AKNAD1: variants seen among roughly 807,000 people sequenced by gnomAD.
AKNAD1 encodes the protein protein AKNAD1.
Under a neutral mutation model 90.8 loss-of-function variants are expected in AKNAD1, and 67 were observed. That is an observed-to-expected ratio of 0.74 (90% CI 0.61 to 0.90). AKNAD1 has a LOEUF of 0.90. AKNAD1 is among the 40% of genes least tolerant of loss of function. The pLI is 0.00. For missense variants in AKNAD1, 957 were observed against 975.4 expected (o/e 0.98, Z 0.25); for synonymous variants, 327 against 341.4 (o/e 0.96, Z 0.46).
Position 108,852,545 on chromosome 1 carries a change from G to A in AKNAD1, c.120C>T (p.Gly40=), listed in dbSNP as rs369040439. 29 of 1,613,940 alleles carry A rather than the reference G, an allele frequency of 1.8e-5. No homozygotes were observed. Among genetic ancestry groups the A allele is most frequent in the Non-Finnish European group, 2.3e-5 (27 of 1,180,024 alleles). ...AAATAATTTGATTTAAGACTTCAAG[G>A]CCATCCTTTTTTGAGGTAAAACTGT... The part of the protein sequence containing the change: ...NDYSFTSKKD[G]LEVLNQIIFI... The change falls in exon 2 of 16, where the codon GGC becomes GGT. Residue 40 remains glycine, a synonymous_variant. Transcript: ENST00000370001.
chr1:108,850,343 C>G (rs1378025230), intron 2 of AKNAD1, among the ~76,000 whole-genome samples: 2 of 152,170 alleles, frequency 1.3e-5, no homozygotes, highest in South Asian at 2.1e-4. Flanking sequence ...AATCAGATAC[C>G]TGACCTCGAA....
intron 11 of AKNAD1, among the ~76,000 whole-genome samples, chr1:108,826,285 G>C (rs1663993536): frequency 6.6e-6 from 1 of 151,716 alleles, no homozygotes; most frequent in African/African-American, 2.4e-5. Context: ...CTCCAGTGCA[G>C]CTTCCTGGTG....
At chr1:108,846,652 C>G (rs1664710079) in intron 5 of AKNAD1, among the ~76,000 whole-genome samples, 2 of 152,092 alleles carry the variant, frequency 1.3e-5, no homozygotes, top group South Asian at 4.1e-4. Context: ...CCTCGAGTCT[C>G]TCCTGGGCCC....
At chr1:108,823,065 C>A in intron 13 of AKNAD1, 1 of 640,134 alleles carries the variant, frequency 1.6e-6, no homozygotes, top group South Asian at 1.9e-5. Flanking sequence ...AGTGATTATC[C>A]AGTAAGTCAT....
At chr1:108,817,297 A>T (rs909600924) in intron 14 of AKNAD1, 120 bp from the exon 15 acceptor site, 72 of 1,306,138 alleles carry the variant, frequency 5.5e-5, no homozygotes, top group Non-Finnish European at 6.6e-5. Context: ...GGATTCGTGC[A>T]CCCGCTGCCC....
Position 108,830,523 on chromosome 1 carries a change from A to T in AKNAD1, c.1838+36T>A, listed in dbSNP as rs765731018. 2.3e-5 allele frequency: 37 copies of T among 1,602,828 alleles called. No individual in the cohort carries two copies. In the East Asian group the frequency reaches 6.5e-4, roughly 28 times the overall value. On this transcript the variant is annotated intron_variant, in intron 10 of 15. Transcript: ENST00000370001. Reference sequence around the variant, plus strand: ...AGTTACTATGCCAGGACTGACTCCAATCCACCCTGGGAATGTAGCCACAAG... The same window carrying T: ...AGTTACTATGCCAGGACTGACTCCATTCCACCCTGGGAATGTAGCCACAAG...
At chr1:108,837,768 T>C (rs1340085531) in intron 6 of AKNAD1, 62 bp from the exon 7 acceptor site, 6 of 1,530,804 alleles carry the variant, frequency 3.9e-6, no homozygotes, top group Non-Finnish European at 5.4e-6. Context: ...TAATTAATAA[T>C]GACAGTTCTT....
Position 108,852,345 on chromosome 1 carries a change from G to A in AKNAD1, c.320C>T (p.Ser107Leu), listed in dbSNP as rs763755230. Residue 107 changes from serine (S) to leucine (L), a missense_variant, in exon 2 of 16, where the codon TCA (serine) becomes TTA (leucine). Ser to Leu is a moderately radical substitution (Grantham distance 145). Coordinates refer to ENST00000370001, the MANE Select transcript of AKNAD1 (RefSeq NM_152763.5). ...IPANEGDASK[S>L]SISDILLHHL... is the part of the protein sequence containing the mutation. ...ATGAAGTAAAATATCAGAAATGCTT[G>A]ACTTAGAAGCGTCTCCTTCATTTGC... 1 of 1,614,086 alleles carries A rather than the reference G, an allele frequency of 6.2e-7. No individual in the cohort carries two copies. Among genetic ancestry groups the A allele is most frequent in the Non-Finnish European group, 8.5e-7 (1 of 1,179,992 alleles).
rs750164787 is a variant in AKNAD1, at chr1:108,820,407, T to C, written c.2249+138A>G. On this transcript the variant is annotated intron_variant, in intron 14 of 15. Coordinates refer to ENST00000370001, the MANE Select transcript of AKNAD1 (RefSeq NM_152763.5). ...ACAAATGAATGATTGAAGGATTAGATAGGTTTAGGTTTGAATCCTGGCTCT... is the reference window on the plus strand; with the variant it reads ...ACAAATGAATGATTGAAGGATTAGACAGGTTTAGGTTTGAATCCTGGCTCT... 1.9e-5 allele frequency: 11 copies of C among 567,130 alleles called. No individual in the cohort carries two copies. The Admixed American group carries it at 2.2e-4, about 11-fold the overall frequency. 35.1% of individuals were successfully genotyped at this position (567,130 alleles called of 1,614,324 possible).
Position 108,824,210 on chromosome 1 carries a change from G to A in AKNAD1, c.1937-522C>T, listed in dbSNP as rs148504920. Among the ~76,000 whole-genome samples, 723 of 152,332 alleles carry A rather than the reference G, an allele frequency of 4.7e-3. 4 individuals carry two copies. The highest frequency in any genetic ancestry group is 0.012 in the Admixed American group (180 of 15,302). ...AAGAAGCTAGTAGCAGACAGCATGT[G>A]TATCTGGTGCAGGTCTAGAACCTGT... On this transcript the variant is annotated intron_variant, in intron 11 of 15. Transcript: ENST00000370001.
chr1:108,823,324 C>T (rs1320609200), intron 13 of AKNAD1, 46 bp downstream of exon 13: 2 of 1,401,138 alleles, frequency 1.4e-6, no homozygotes, highest in African/African-American at 1.4e-5. Flanking sequence ...ATACCTGGGA[C>T]ATTAGGTTGT....
intron 11 of AKNAD1, 108 bp from the exon 12 acceptor site, chr1:108,823,796 A>G (rs534849031): frequency 4.7e-5 from 72 of 1,530,008 alleles, no homozygotes; most frequent in Non-Finnish European, 6.2e-5. Flanking sequence ...GTTTGGCACC[A>G]AAGTGCTTAA....
Position 108,834,353 on chromosome 1 carries a change from A to T in AKNAD1, c.1746+94T>A, listed in dbSNP as rs964353082. On this transcript the variant is annotated intron_variant, in intron 9 of 15. Coordinates refer to ENST00000370001, the MANE Select transcript of AKNAD1 (RefSeq NM_152763.5). ...TAGGAAGAGGTAAGTGATCTTGATT[A>T]TGCCAATTTCACAGTCACATTCAGC... 4.7e-6 allele frequency: 5 copies of T among 1,065,492 alleles called. No individual in the cohort carries two copies. The Admixed American group carries it at 1.2e-4, about 25-fold the overall frequency. The allele number at this position is 1,065,492 out of a possible 1,614,324, so 66.0% of individuals were successfully genotyped here.
At chr1:108,839,757 G>A (rs1664484204) in intron 6 of AKNAD1, among the ~76,000 whole-genome samples, 1 of 152,066 alleles carries the variant, frequency 6.6e-6, no homozygotes, top group South Asian at 2.1e-4. Flanking sequence ...TATGGCTCAC[G>A]CTGGTAATCC....
chr1:108,849,136 A>G, intron 3 of AKNAD1, 76 bp from the exon 4 acceptor site: 1 of 1,300,948 alleles, frequency 7.7e-7, no homozygotes, highest in Middle Eastern at 2.4e-4. Flanking sequence ...GAAAACAGAA[A>G]GCTGTTGCAG....
In AKNAD1 at chr1:108,852,655, C is replaced by T. The variant is rs1664905923; in HGVS notation, c.10G>A (p.Ala4Thr). ...TAAGTCGTGTGTTCTGAAAAATCAG[C>T]CTCATCCATGTGTGTGCAGCCCGAT... MDEADFSEHTTYKQ... is the reference protein window; with the variant it reads MDETDFSEHTTYKQ... The change falls in exon 2 of 16, where the codon GCT (alanine) becomes ACT (threonine). Residue 4 changes from alanine to threonine, a missense_variant. Ala to Thr is a moderately conservative substitution (Grantham distance 58, BLOSUM62 0). Transcript: ENST00000370001. The T allele has an allele frequency of 6.3e-7, 1 of 1,579,576 alleles. No individual in the cohort carries two copies. The highest frequency in any genetic ancestry group is 1.2e-5 in the South Asian group (1 of 85,452).
chr1:108,820,588 T>G lies in AKNAD1; in HGVS notation c.2206A>C (p.Asn736His), dbSNP rs1218002986. 6.2e-7 allele frequency: 1 copy of G among 1,611,776 alleles called. No homozygotes were observed. Among genetic ancestry groups the G allele is most frequent in the Middle Eastern group, 1.7e-4 (1 of 5,994 alleles). ...KPKRICSQRV[N>H]SKSFKGEHEP... The stretch of plus-strand genomic sequence containing the variant: ...TGTTCACCTTTAAAGGATTTTGAAT[T>G]CACTCTCTGAGAACAGATCCGTTTG... The change falls in exon 14 of 16, where the codon AAT becomes CAT. Residue 736 changes from asparagine to histidine, a missense_variant. Coordinates refer to ENST00000370001, the MANE Select transcript of AKNAD1 (RefSeq NM_152763.5).
intron 14 of AKNAD1, chr1:108,817,383 G>T: frequency 2.5e-6 from 1 of 407,006 alleles, no homozygotes; most frequent in Non-Finnish European, 4.3e-6. Context: ...CCATGCGGGT[G>T]TTTTCTCCCG....
rs149156307 is a variant in AKNAD1 at position 108,849,852 on chromosome 1, A to G, written c.994-276T>C. Among the ~76,000 whole-genome samples the G allele has an allele frequency of 1.8e-4, 28 of 152,354 alleles. No homozygotes were observed. The East Asian group carries it at 5.4e-3, about 29-fold the overall frequency. On this transcript the variant is annotated intron_variant, in intron 2 of 15. Coordinates refer to ENST00000370001, the MANE Select transcript of AKNAD1 (RefSeq NM_152763.5). The stretch of plus-strand genomic sequence containing the variant: ...GGTTGTTATGAGGATGAAATGTTAA[A>G]TATCTACCATAGTATCAGGCAGGTG...
Sources: allele counts gnomAD v4.1 joint callset (sites outside exome capture counted in the v4.1 genomes callset), GRCh38; gene constraint gnomAD v4.1.1; transcripts MANE v1.5; gene names NCBI Gene and HGNC (gene_info 2026-07-23, HGNC 2026-07-21).